Variants in SAMTOR observed in about 807,000 individuals in gnomAD.
The protein encoded by SAMTOR is S-adenosylmethionine sensor upstream of mTORC1, also known as UPF0532 protein C7orf60.
chr7:112,905,087 G>A, the SAMTOR span, among the ~76,000 whole-genome samples: 5 of 152,024 alleles, frequency 3.3e-5, no homozygotes, highest in African/African-American at 1.2e-4. Context: ...AGACAACAAC[G>A]GACAGCCTCT....
chr7:112,903,082 G>A, the SAMTOR span, among the ~76,000 whole-genome samples: 1 of 152,212 alleles, frequency 6.6e-6, no homozygotes, highest in African/African-American at 2.4e-5. Flanking sequence ...GGGAGGCCGA[G>A]GCAGGCAGAT....
the SAMTOR span, among the ~76,000 whole-genome samples, chr7:112,852,090 A>C: frequency 1.3e-5 from 2 of 152,186 alleles, no homozygotes; most frequent in Non-Finnish European, 2.9e-5. Flanking sequence ...CATTCAATCT[A>C]GCAATCCCAC....
At chr7:112,864,781 GTC>G in the SAMTOR span, among the ~76,000 whole-genome samples, 1 of 152,124 alleles carries the variant, frequency 6.6e-6, no homozygotes, top group South Asian at 2.1e-4. Context: ...TTGAGACAGG[GTC>G]TCTCTCTGTC....
the SAMTOR span, among the ~76,000 whole-genome samples, chr7:112,850,063 G>A: frequency 6.6e-6 from 1 of 152,194 alleles, no homozygotes; most frequent in African/African-American, 2.4e-5. Flanking sequence ...AAAATTAGCC[G>A]GGTGTGGTGG....
chr7:112,938,651 G>C, the SAMTOR span, among the ~76,000 whole-genome samples: 245 of 152,250 alleles, frequency 1.6e-3, 2 homozygotes, highest in African/African-American at 5.6e-3. Context: ...CGATACTCAG[G>C]AGAAGTCTCT....
At chr7:112,864,673 A>G in the SAMTOR span, among the ~76,000 whole-genome samples, 3 of 152,246 alleles carry the variant, frequency 2.0e-5, no homozygotes, top group African/African-American at 7.2e-5. Context: ...ACAGGTAACA[A>G]TATTTCTTTG....
chr7:112,823,022 A>G, the SAMTOR span, among the ~76,000 whole-genome samples: 1 of 152,168 alleles, frequency 6.6e-6, no homozygotes, highest in Non-Finnish European at 1.5e-5. Flanking sequence ...GCTAAATCTT[A>G]AAACTATGGA....
At chr7:112,899,507 C>T in the SAMTOR span, among the ~76,000 whole-genome samples, 975 of 152,092 alleles carry the variant, frequency 6.4e-3, 1 homozygote, top group Non-Finnish European at 0.01. Flanking sequence ...TGGGGTAGAA[C>T]GTTTATTCAA....
chr7:112,862,908 G>A, the SAMTOR span, among the ~76,000 whole-genome samples: 1,326 of 148,616 alleles, frequency 8.9e-3, 15 homozygotes, highest in South Asian at 0.015. Flanking sequence ...CAGCCTGGGC[G>A]ACAGCGTGAG....
the SAMTOR span, among the ~76,000 whole-genome samples, chr7:112,939,041 A>G: frequency 3.3e-5 from 5 of 152,344 alleles, no homozygotes; most frequent in Admixed American, 3.3e-4. Context: ...AAGTCCAGTC[A>G]GCTAAAAGGC....
the SAMTOR span, among the ~76,000 whole-genome samples, chr7:112,834,125 T>G: frequency 6.6e-6 from 1 of 152,330 alleles, no homozygotes; most frequent in Admixed American, 6.5e-5. Context: ...TCACTTTTAC[T>G]GCTGTACAGT....
the SAMTOR span, among the ~76,000 whole-genome samples, chr7:112,840,776 C>CA: frequency 6.6e-6 from 1 of 151,904 alleles, no homozygotes; most frequent in African/African-American, 2.4e-5. Context: ...CCCTGGGATG[C>CA]AAGGCTGGCT....
the SAMTOR span, among the ~76,000 whole-genome samples, chr7:112,926,342 A>T: frequency 6.6e-6 from 1 of 152,198 alleles, no homozygotes; most frequent in African/African-American, 2.4e-5. Context: ...ACTAGCTATA[A>T]GATGCAAAGA....
the SAMTOR span, among the ~76,000 whole-genome samples, chr7:112,866,371 G>A: frequency 6.6e-6 from 1 of 152,158 alleles, no homozygotes; most frequent in African/African-American, 2.4e-5. Context: ...TATCCACATA[G>A]TAAGAATAAG....
the SAMTOR span, among the ~76,000 whole-genome samples, chr7:112,827,572 G>T: frequency 6.6e-6 from 1 of 151,948 alleles, no homozygotes; most frequent in Non-Finnish European, 1.5e-5. Context: ...CCAAATCCAC[G>T]TTCAAGTCCT....
At chr7:112,865,134 C>G in the SAMTOR span, among the ~76,000 whole-genome samples, 1 of 152,160 alleles carries the variant, frequency 6.6e-6, no homozygotes, top group African/African-American at 2.4e-5. Flanking sequence ...TAACGCTATA[C>G]TCTTAATTTT....
the SAMTOR span, among the ~76,000 whole-genome samples, chr7:112,849,145 A>T: frequency 1.9e-4 from 29 of 152,138 alleles, no homozygotes; most frequent in African/African-American, 5.1e-4. Flanking sequence ...AAAGTATTTT[A>T]AAAAAAGAAA....
At chr7:112,895,826 G>A in the SAMTOR span, 9 of 834,302 alleles carry the variant, frequency 1.1e-5, no homozygotes, top group East Asian at 2.5e-4. Context: ...TAATCAAGAT[G>A]GGAAACTTTC....
At chr7:112,874,005 C>T in the SAMTOR span, among the ~76,000 whole-genome samples, 1 of 151,892 alleles carries the variant, frequency 6.6e-6, no homozygotes, top group Middle Eastern at 3.2e-3. Context: ...AATGAGACAC[C>T]GTCTCATATC....
Sources: allele counts gnomAD v4.1 joint callset (sites outside exome capture counted in the v4.1 genomes callset), GRCh38; gene constraint gnomAD v4.1.1; transcripts MANE v1.5; gene names NCBI Gene and HGNC (gene_info 2026-07-23, HGNC 2026-07-21).